The following ENOPH1 variants were observed in gnomAD, a reference collection of about 807,000 sequenced individuals.
ENOPH1 encodes enolase-phosphatase 1, also known as enolase-phosphatase E1.
ENOPH1 carries 14 observed loss-of-function variants against 31.1 expected under a neutral mutation model. That is an observed-to-expected ratio of 0.45 (90% CI 0.30 to 0.70). The LOEUF is 0.70. Among genes scored for constraint, ENOPH1 ranks in the 30% least tolerant of loss-of-function variants. The pLI is 0.09. For missense variants in ENOPH1, 243 were observed against 321.5 expected (o/e 0.76, Z 1.87); for synonymous variants, 127 against 123.2 (o/e 1.03, Z -0.21).
intron 3 of ENOPH1, among the ~76,000 whole-genome samples, chr4:82,454,318 A>G (rs535344832): frequency 1.3e-5 from 2 of 152,330 alleles, no homozygotes; most frequent in South Asian, 2.1e-4. Flanking sequence ...AAGCATTTCC[A>G]TGCTTTCTTA....
intron 1 of ENOPH1, among the ~76,000 whole-genome samples, chr4:82,433,125 A>C (rs1221966563): frequency 6.6e-6 from 1 of 152,224 alleles, no homozygotes; most frequent in East Asian, 1.9e-4. Context: ...CAGGAGACCA[A>C]GGATAAGGAC....
chr4:82,453,033 C>T (rs1722393023), intron 3 of ENOPH1, among the ~76,000 whole-genome samples: 1 of 151,920 alleles, frequency 6.6e-6, no homozygotes, highest in Non-Finnish European at 1.5e-5. Flanking sequence ...TCCCGAGTAG[C>T]TGGGACTACA....
intron 1 of ENOPH1, among the ~76,000 whole-genome samples, chr4:82,433,504 T>G (rs1028964107): frequency 1.3e-5 from 2 of 152,218 alleles, no homozygotes; most frequent in African/African-American, 4.8e-5. Flanking sequence ...TTATTAATAT[T>G]GTTAATCTAT....
intron 1 of ENOPH1, among the ~76,000 whole-genome samples, chr4:82,433,176 C>T (rs781208505): frequency 1.3e-5 from 2 of 152,104 alleles, no homozygotes; most frequent in African/African-American, 4.8e-5. Context: ...TAGATACTAC[C>T]GTTTTCTGAA....
intron 1 of ENOPH1, among the ~76,000 whole-genome samples, chr4:82,445,348 A>G (rs963700511): frequency 7.9e-5 from 12 of 152,254 alleles, no homozygotes; most frequent in African/African-American, 2.7e-4. Flanking sequence ...GAAAGATTGG[A>G]TAAAATTTTC....
chr4:82,437,642 C>G (rs1721941939), intron 1 of ENOPH1, among the ~76,000 whole-genome samples: 1 of 152,202 alleles, frequency 6.6e-6, no homozygotes, highest in Non-Finnish European at 1.5e-5. Context: ...TTTCAAAGTC[C>G]TTTCTCTTCG....
In ENOPH1 at chr4:82,456,924, G is replaced by A. The variant is rs543773779; in HGVS notation, c.532G>A (p.Gly178Ser). 5.0e-6 allele frequency: 8 copies of A among 1,613,688 alleles called. No homozygotes were observed. The South Asian group carries it at 8.8e-5, about 18-fold the overall frequency. Reference protein sequence around the residue: ...TEGDILELVDGHFDTKIGHKV... With the variant: ...TEGDILELVDSHFDTKIGHKV... Reference sequence around the variant, plus strand: ...CCTTCTCTTTGTTCAGCTTGTTGATGGTCACTTTGATACCAAGATTGGACA... The same window carrying A: ...CCTTCTCTTTGTTCAGCTTGTTGATAGTCACTTTGATACCAAGATTGGACA... The change falls in exon 5 of 6, where the codon GGT (glycine) becomes AGT (serine). Residue 178 changes from glycine (G) to serine (S), a missense_variant. Coordinates refer to ENST00000273920, the MANE Select transcript of ENOPH1 (RefSeq NM_021204.5).
intron 3 of ENOPH1, among the ~76,000 whole-genome samples, chr4:82,452,673 G>A (rs1458585152): frequency 2.6e-5 from 4 of 151,900 alleles, no homozygotes; most frequent in Non-Finnish European, 5.9e-5. Flanking sequence ...TGCAACCTCC[G>A]CCCTCTGGGT....
chr4:82,454,200 C>CAAGA (rs1266861318), intron 3 of ENOPH1, among the ~76,000 whole-genome samples: 2 of 152,098 alleles, frequency 1.3e-5, no homozygotes, highest in Non-Finnish European at 2.9e-5. Context: ...GGCAACAGAG[C>CAAGA]AAGACCCTGT....
intron 1 of ENOPH1, among the ~76,000 whole-genome samples, chr4:82,447,177 G>A (rs1276525883): frequency 1.3e-5 from 2 of 151,850 alleles, no homozygotes; most frequent in African/African-American, 2.4e-5. Context: ...GTAGAGACAG[G>A]GTTTCACCAT....
intron 1 of ENOPH1, among the ~76,000 whole-genome samples, chr4:82,435,286 TA>T (rs1250077506): frequency 6.6e-6 from 1 of 152,150 alleles, no homozygotes; most frequent in East Asian, 1.9e-4. Context: ...TTATTTTTTA[TA>T]AAGATGGGGT....
At chr4:82,454,696 T>G in intron 3 of ENOPH1, 26 bp from the exon 4 acceptor site, 2 of 1,606,108 alleles carry the variant, frequency 1.2e-6, no homozygotes, top group South Asian at 2.2e-5. Context: ...TGTTCCTGTA[T>G]TTTAACTTAG....
chr4:82,432,544 A>C (rs973354540), intron 1 of ENOPH1, among the ~76,000 whole-genome samples: 1 of 152,164 alleles, frequency 6.6e-6, no homozygotes, highest in Admixed American at 6.5e-5. Context: ...GGGTTTCACC[A>C]GGCTGGTCTC....
intron 1 of ENOPH1, among the ~76,000 whole-genome samples, chr4:82,436,604 T>C (rs1447124299): frequency 6.6e-6 from 1 of 151,800 alleles, no homozygotes; most frequent in Non-Finnish European, 1.5e-5. Context: ...GAAGGATCAT[T>C]TGAGCCCAGG....
At chr4:82,454,930 G>A in intron 4 of ENOPH1, 76 bp downstream of exon 4, 1 of 1,387,574 alleles carries the variant, frequency 7.2e-7, no homozygotes, top group Non-Finnish European at 9.7e-7. Flanking sequence ...AAAACTAATT[G>A]GAACTAATAG....
intron 1 of ENOPH1, among the ~76,000 whole-genome samples, chr4:82,434,240 CAGTT>C (rs1450756613): frequency 2.0e-5 from 3 of 152,266 alleles, no homozygotes; most frequent in Admixed American, 2.0e-4. Context: ...TTAAATGACA[CAGTT>C]AGTATGAGAG....
rs1318601850 is a variant in ENOPH1 at position 82,460,157 on chromosome 4, A to C, written c.*37A>C. The C allele has an allele frequency of 6.2e-7, 1 of 1,612,096 alleles. No individual in the cohort carries two copies. The highest frequency in any genetic ancestry group is 8.5e-7 in the Non-Finnish European group (1 of 1,178,644). On this transcript the variant is annotated 3_prime_UTR_variant, in exon 6 of 6. Coordinates refer to ENST00000273920, the MANE Select transcript of ENOPH1 (RefSeq NM_021204.5). ...TAAGGCAGACCGCCCTGTTCCCCAG[A>C]GTTGTCCCTGTAGTGTCTAGGTTTA...
chr4:82,454,995 T>G (rs550303609), intron 4 of ENOPH1, 141 bp downstream of exon 4: 2 of 736,756 alleles, frequency 2.7e-6, no homozygotes, highest in African/African-American at 3.6e-5. Context: ...ATAATCACTT[T>G]TAATTATATT....
chr4:82,444,595 T>A (rs1260615161), intron 1 of ENOPH1, among the ~76,000 whole-genome samples: 1 of 152,232 alleles, frequency 6.6e-6, no homozygotes, highest in African/African-American at 2.4e-5. Flanking sequence ...CTTCTAAACA[T>A]TTACAAGGCA....
Sources: gnomAD v4.1 joint callset for allele counts (sites outside exome capture counted in the v4.1 genomes callset) on GRCh38, gnomAD v4.1.1 for gene constraint, MANE v1.5 for transcripts, NCBI Gene and HGNC (gene_info 2026-07-23, HGNC 2026-07-21) for gene names.